The following NOS3 variants were observed in gnomAD, a reference collection of about 807,000 sequenced individuals.
The protein encoded by NOS3 is NOS type III.
NOS3 carries 98 observed loss-of-function variants against 144.9 expected under a neutral mutation model. The ratio of observed to expected loss-of-function variants is 0.68; its 90% CI spans 0.57 to 0.80. The LOEUF (loss-of-function observed/expected upper bound fraction) is 0.80, where lower values mean the gene tolerates loss of function less well. Among genes scored for constraint, NOS3 ranks in the 30% least tolerant of loss-of-function variants. The probability of loss-of-function intolerance (pLI) is 0.00; values close to 1 mark genes in which losing one functional copy is unlikely to be tolerated. For missense variants in NOS3, 1,465 were observed against 1,656.4 expected (o/e 0.88, Z 2.01); for synonymous variants, 714 against 702.4 (o/e 1.02, Z -0.26).
chr7:151,001,261 G>A lies in NOS3; in HGVS notation c.1264G>A (p.Ala422Thr), dbSNP rs150935488. The stretch of plus-strand genomic sequence containing the variant: ...CAAAGTCACCATCGTGGACCACCAC[G>A]CCGCCACGGCCTCTTTCATGAAGCA... Reference protein sequence around the residue: ...LAKVTIVDHHAATASFMKHLE... With the variant: ...LAKVTIVDHHTATASFMKHLE... The change falls in exon 11 of 27, where the codon GCC becomes ACC. Residue 422 changes from alanine (A) to threonine (T), a missense_variant. Ala to Thr is a moderately conservative substitution (Grantham distance 58, BLOSUM62 0). Transcript: ENST00000297494. The A allele has an allele frequency of 3.9e-3, 6,267 of 1,613,560 alleles. 21 individuals are homozygous for A. The highest frequency in any genetic ancestry group is 4.2e-3 in the Non-Finnish European group (4,908 of 1,179,948).
rs1481543550 is a variant in NOS3, at chr7:150,992,957, A to C, written c.-51-796A>C. Among the ~76,000 whole-genome samples the C allele has an allele frequency of 2.0e-5, 3 of 151,912 alleles. No homozygotes were observed. The East Asian group carries it at 5.8e-4, about 29-fold the overall frequency. On this transcript the variant is annotated intron_variant, in intron 1 of 26. Coordinates refer to ENST00000297494, the MANE Select transcript of NOS3 (RefSeq NM_000603.5). ...GGAACTGTAGTTTCCCTAGTCCCCC[A>C]TGCTCCCACCAGGGCATCAAGCTCT...
chr7:150,997,653 C>T (rs568368586), intron 5 of NOS3, among the ~76,000 whole-genome samples: 1 of 152,218 alleles, frequency 6.6e-6, no homozygotes, highest in African/African-American at 2.4e-5. Context: ...CCCAGTGAAT[C>T]CCAAAGGAAC....
intron 3 of NOS3, among the ~76,000 whole-genome samples, chr7:150,995,919 T>C (rs1482798595): frequency 1.4e-3 from 1 of 692 alleles, no homozygotes; most frequent in African/African-American, 0.018. Context: ...CTCTCCCCTG[T>C]CCCATCCCTG....
At chr7:151,012,211 GTT>G in intron 23 of NOS3, 138 bp from the exon 24 acceptor site, 1 of 689,922 alleles carries the variant, frequency 1.4e-6, no homozygotes, top group East Asian at 2.8e-5. Flanking sequence ...AAGTAGAGTT[GTT>G]TTTTGTTTTT....
chr7:150,995,307 CG>C lies in NOS3; in HGVS notation c.264del (p.Gln89SerfsTer36). ...SITYDTLSAQAQQDGPCTPRR... is the reference protein window; with the variant it reads ...SITYDTLSAQXQQDGPCTPRR... ...ACCTATGACACCCTCAGCGCCCAGG[CG>C]CAGCAGGTAAGGCCGGCATGCCCTG... On this transcript the variant is annotated frameshift_variant, in exon 3 of 27. Coordinates refer to ENST00000297494, the MANE Select transcript of NOS3 (RefSeq NM_000603.5). LOFTEE classifies it high-confidence loss of function. 6.2e-7 allele frequency: 1 copy of C among 1,609,178 alleles called. No individual in the cohort carries two copies. Among genetic ancestry groups the C allele is most frequent in the Non-Finnish European group, 8.5e-7 (1 of 1,177,202 alleles).
In NOS3 at chr7:151,014,242, C is replaced by T; in HGVS notation, c.*73C>T. ...TCAGGTCCGCCCGACCAGGATCAGC[C>T]CCGCTCCTCCCCTCTTGAGGTGGTG... On this transcript the variant is annotated 3_prime_UTR_variant, in exon 27 of 27. Transcript: ENST00000297494. 2 of 1,409,786 alleles carry T rather than the reference C, an allele frequency of 1.4e-6. No individual in the cohort carries two copies. The highest frequency in any genetic ancestry group is 2.1e-5 in the Admixed American group (1 of 47,816). The allele number at this position is 1,409,786 out of a possible 1,614,324, so 87.3% of individuals were successfully genotyped here.
intron 9 of NOS3, among the ~76,000 whole-genome samples, chr7:150,999,712 G>A: frequency 6.8e-6 from 1 of 147,638 alleles, no homozygotes; most frequent in Non-Finnish European, 1.5e-5. Context: ...TTGTGGGTGT[G>A]TATAGGCAGT....
intron 19 of NOS3, 22 bp downstream of exon 19, chr7:151,009,289 C>T: frequency 1.3e-6 from 2 of 1,580,752 alleles, no homozygotes; most frequent in Non-Finnish European, 1.7e-6. Context: ...GGCTTTACCG[C>T]CCCCCCACCC....
intron 26 of NOS3, 27 bp downstream of exon 26, chr7:151,013,945 C>T (rs202210233): frequency 1.9e-6 from 3 of 1,601,046 alleles, no homozygotes; most frequent in Non-Finnish European, 2.6e-6. Flanking sequence ...CGGGCCTGAG[C>T]GTGCGGGGTT....
chr7:151,000,447 C>T, intron 9 of NOS3, 51 bp from the exon 10 acceptor site: 1 of 1,145,454 alleles, frequency 8.7e-7, no homozygotes, highest in South Asian at 1.2e-5. Context: ...CCCCACCCCA[C>T]CCCCGTGATC....
At chr7:150,994,105 G>A (rs1802315786) in intron 2 of NOS3, 144 bp downstream of exon 2, 2 of 888,542 alleles carry the variant, frequency 2.3e-6, no homozygotes, top group East Asian at 2.7e-5. Context: ...GCATAGAACA[G>A]GACAGTCTGG....
intron 24 of NOS3, 97 bp from the exon 25 acceptor site, chr7:151,013,134 C>T (rs745534596): frequency 2.9e-6 from 4 of 1,367,530 alleles, no homozygotes; most frequent in Non-Finnish European, 4.0e-6. Context: ...CAGCCCAAAA[C>T]GCTGGGCTGC....
At chr7:151,013,522 T>C (rs906421306) in intron 25 of NOS3, 143 bp downstream of exon 25, 1 of 1,203,428 alleles carries the variant, frequency 8.3e-7, no homozygotes, top group Non-Finnish European at 1.1e-6. Flanking sequence ...TGGCCCACCC[T>C]TGTGCCCCGG....
intron 4 of NOS3, 101 bp downstream of exon 4, chr7:150,996,653 C>A: frequency 2.0e-6 from 3 of 1,483,474 alleles, no homozygotes; most frequent in Non-Finnish European, 2.8e-6. Flanking sequence ...GATCCTAACA[C>A]CACGTGGGCC....
At position 150,998,703 on chromosome 7, in the gene NOS3, G is replaced by A; in HGVS notation, c.816+23G>A. 3 of 1,594,418 alleles carry A rather than the reference G, an allele frequency of 1.9e-6. No individual in the cohort carries two copies. The highest frequency in any genetic ancestry group is 2.6e-6 in the Non-Finnish European group (3 of 1,171,776). ...GAGGTGGGCACCGAGGGCCACCCATGAGGGTGTCCCCAAGGTGGAGAATGA... is the reference window on the plus strand; with the variant it reads ...GAGGTGGGCACCGAGGGCCACCCATAAGGGTGTCCCCAAGGTGGAGAATGA... On this transcript the variant is annotated intron_variant, in intron 7 of 26. Coordinates refer to ENST00000297494, the MANE Select transcript of NOS3 (RefSeq NM_000603.5). This position sits in a 1 kb window ranked among gnomAD's most constrained non-coding sequence, Gnocchi z 5.0.
intron 23 of NOS3, among the ~76,000 whole-genome samples, chr7:151,011,482 G>A (rs1335725096): frequency 6.9e-6 from 1 of 145,748 alleles, no homozygotes; most frequent in African/African-American, 2.5e-5. Context: ...TACGATCTCG[G>A]CTTACTGCAA....
In NOS3 at chr7:151,000,584, G is replaced by A; in HGVS notation, c.1218G>A (p.Val406=). Residue 406 remains valine, a synonymous_variant, in exon 10 of 27, where the codon GTG becomes GTA. Transcript: ENST00000297494. Reference sequence around the variant, plus strand: ...CAGCAGTGGAAATCAACGTGGCCGTGCTGCACAGTTACCAGGTGCAGAGGC... The same window carrying A: ...CAGCAGTGGAAATCAACGTGGCCGTACTGCACAGTTACCAGGTGCAGAGGC... The part of the protein sequence containing the change: ...DKAAVEINVA[V]LHSYQLAKVT... 1 of 1,612,410 alleles carries A rather than the reference G, an allele frequency of 6.2e-7. No homozygotes were observed. The highest frequency in any genetic ancestry group is 1.1e-5 in the South Asian group (1 of 91,058).
chr7:151,010,845 G>A (rs185903429), intron 22 of NOS3, 38 bp downstream of exon 22: 6 of 1,607,286 alleles, frequency 3.7e-6, no homozygotes, highest in Non-Finnish European at 3.4e-6. Flanking sequence ...GCCACAGCAG[G>A]GTTGGGACCG....
chr7:151,012,236 A>ATT, intron 23 of NOS3, 115 bp from the exon 24 acceptor site: 1 of 565,780 alleles, frequency 1.8e-6, no homozygotes, highest in Non-Finnish European at 2.6e-6. Context: ...TTTTTTTTTT[A>ATT]ATTTTTTTTT....
Sources: allele counts gnomAD v4.1 joint callset (sites outside exome capture counted in the v4.1 genomes callset), GRCh38; gene constraint gnomAD v4.1.1; non-coding constraint Gnocchi (gnomAD v3.1); transcripts MANE v1.5; gene names NCBI Gene and HGNC (gene_info 2026-07-23, HGNC 2026-07-21).